The following PTK2 variants were observed in gnomAD, a reference collection of about 807,000 sequenced individuals.
The protein encoded by PTK2 is protein tyrosine kinase 2.
Under a neutral mutation model 150.1 loss-of-function variants are expected in PTK2, and 45 were observed. The observed-to-expected ratio is 0.30, with a 90% CI of 0.24 to 0.38. The LOEUF (loss-of-function observed/expected upper bound fraction) is 0.38. Among genes scored for constraint, PTK2 ranks in the 10% least tolerant of loss-of-function variants. The probability of loss-of-function intolerance (pLI) is 1.00; values close to 1 mark genes in which losing one functional copy is unlikely to be tolerated. For synonymous variants in PTK2, 432 were observed against 449.2 expected (o/e 0.96, Z 0.48); for missense variants, 919 against 1,307.3 (o/e 0.70, Z 4.58).
intron 27 of PTK2, chr8:140,675,770 A>C: frequency 2.9e-6 from 1 of 339,590 alleles, no homozygotes; most frequent in South Asian, 6.2e-5. Flanking sequence ...AACCCATTTA[A>C]AATGTTCTTA....
At chr8:140,795,828 C>T (rs1320973287) in intron 12 of PTK2, among the ~76,000 whole-genome samples, 2 of 152,222 alleles carry the variant, frequency 1.3e-5, no homozygotes, top group African/African-American at 4.8e-5. Flanking sequence ...TACTACTGCA[C>T]ATTGTATTCC....
At chr8:140,894,502 G>A (rs865999366) in intron 2 of PTK2, among the ~76,000 whole-genome samples, 5 of 152,116 alleles carry the variant, frequency 3.3e-5, no homozygotes, top group Non-Finnish European at 5.9e-5. Context: ...GACTAATAGA[G>A]TAAACTATGG....
chr8:140,711,216 C>T (rs373897522), intron 23 of PTK2, among the ~76,000 whole-genome samples: 10 of 152,222 alleles, frequency 6.6e-5, no homozygotes, highest in Non-Finnish European at 8.8e-5. Context: ...AAGCGATTCT[C>T]GTGCCTCAGC....
chr8:140,748,296 C>A (rs536440146), intron 17 of PTK2, among the ~76,000 whole-genome samples: 8 of 152,184 alleles, frequency 5.3e-5, no homozygotes, highest in African/African-American at 1.9e-4. Context: ...GAGTTTGAGA[C>A]CAGCCTGGCC....
intron 16 of PTK2, among the ~76,000 whole-genome samples, chr8:140,753,147 G>A (rs556083948): frequency 2.0e-5 from 3 of 152,254 alleles, no homozygotes; most frequent in East Asian, 1.9e-4. Flanking sequence ...GGAGTTCTGC[G>A]GGTGGCTACC....
chr8:140,902,440 T>C (rs1052386339), intron 2 of PTK2, among the ~76,000 whole-genome samples: 1 of 152,216 alleles, frequency 6.6e-6, no homozygotes, highest in Non-Finnish European at 1.5e-5. Flanking sequence ...CATGTGTCTT[T>C]ATAGAATGAT....
chr8:140,848,644 T>C (rs923831371), intron 5 of PTK2, among the ~76,000 whole-genome samples: 1 of 151,664 alleles, frequency 6.6e-6, no homozygotes, highest in African/African-American at 2.4e-5. Context: ...TCTAGAACTA[T>C]TCGTTTAACT....
rs71310807 is a variant in PTK2 at position 140,962,263 on chromosome 8, A to AGAAGGGAGGGAG, written c.-121-36526_-121-36515dup. On this transcript the variant is annotated intron_variant, in intron 1 of 31. Coordinates refer to ENST00000522684, the Ensembl canonical transcript of PTK2. ...AGGAAGAAAGGAAGGGAGGAAGGGA[A>AGAAGGGAGGGAG]GAAGGGAGGGAGGAAGGGAGGGAGG... 1.4e-3 allele frequency among the ~76,000 whole-genome samples: 175 copies of AGAAGGGAGGGAG among 127,558 alleles called. 2 individuals carry two copies. In the East Asian group the frequency reaches 0.02, roughly 15 times the overall value. 83.7% of individuals were successfully genotyped at this position (127,558 alleles called of 152,430 possible).
In PTK2 at chr8:140,668,396, G is replaced by C. The variant is rs757236528; in HGVS notation, c.2738C>G (p.Pro913Arg). The change falls in exon 30 of 32, where the codon CCT becomes CGT. Residue 913 changes from proline (P) to arginine (R), a missense_variant. Pro to Arg is a moderately radical substitution (Grantham distance 103, BLOSUM62 -2). Transcript: ENST00000522684. ...ATTCGACCGGTCCAGGTTGGCAGTA[G>C]GAGGGGGGCTGATTTCCTGGGGCTG... 8.1e-6 allele frequency: 13 copies of C among 1,612,946 alleles called. No individual in the cohort carries two copies. The South Asian group carries it at 1.4e-4, about 18-fold the overall frequency.
intron 31 of PTK2, among the ~76,000 whole-genome samples, chr8:140,660,273 T>TA (rs1281784870): frequency 6.6e-6 from 1 of 152,144 alleles, no homozygotes; most frequent in Non-Finnish European, 1.5e-5. Flanking sequence ...ACTTTCACAT[T>TA]AGAGTGGACA....
At chr8:140,667,897 T>C (rs1396710954) in intron 30 of PTK2, among the ~76,000 whole-genome samples, 1 of 152,212 alleles carries the variant, frequency 6.6e-6, no homozygotes, top group Non-Finnish European at 1.5e-5. Context: ...CACATCTCCC[T>C]AAGTCTTACA....
exon 32 of PTK2, chr8:140,659,405 C>G (rs1212913629): frequency 1.4e-6 from 2 of 1,461,068 alleles, no homozygotes; most frequent in Non-Finnish European, 1.9e-6. Flanking sequence ...TTCCTCGCTG[C>G]TGGTGGAAGG....
chr8:140,664,600 T>C (rs1041431805), intron 31 of PTK2, among the ~76,000 whole-genome samples: 1 of 152,230 alleles, frequency 6.6e-6, no homozygotes, highest in African/African-American at 2.4e-5. Flanking sequence ...GTTTCCCATG[T>C]GCCTTCCTCA....
chr8:140,708,180 C>A (rs1400405419), intron 23 of PTK2, among the ~76,000 whole-genome samples: 6 of 152,156 alleles, frequency 3.9e-5, no homozygotes, highest in African/African-American at 1.2e-4. Flanking sequence ...TAAGTTCCAA[C>A]AAGCTTAGGA....
chr8:140,931,057 C>G (rs1434291497), intron 1 of PTK2, among the ~76,000 whole-genome samples: 1 of 134,352 alleles, frequency 7.4e-6, no homozygotes, highest in African/African-American at 2.8e-5. Context: ...CGCGGCAGAG[C>G]GAGACTCTGT....
At chr8:140,872,929 GGACT>G (rs1198816551) in intron 4 of PTK2, among the ~76,000 whole-genome samples, 2 of 152,280 alleles carry the variant, frequency 1.3e-5, no homozygotes, top group East Asian at 3.9e-4. Context: ...AGTTGTGCTA[GGACT>G]TACTTTGTCA....
intron 10 of PTK2, among the ~76,000 whole-genome samples, chr8:140,810,488 G>A (rs2100100827): frequency 6.6e-6 from 1 of 152,190 alleles, no homozygotes; most frequent in Admixed American, 6.5e-5. Context: ...CATAGCCCCT[G>A]CAGTGGCTGA....
At chr8:140,948,637 G>A (rs1242799772) in intron 1 of PTK2, 1 of 152,102 alleles carries the variant, frequency 6.6e-6, no homozygotes, top group South Asian at 2.1e-4. Flanking sequence ...TTAAAACAGA[G>A]AAGTCACAAA....
At chr8:140,855,358 G>A (rs1242160442) in intron 5 of PTK2, among the ~76,000 whole-genome samples, 9 of 152,118 alleles carry the variant, frequency 5.9e-5, no homozygotes, top group Non-Finnish European at 1.0e-4. Flanking sequence ...CACTTTGGGA[G>A]GCCGAGGCGG....
Sources: gnomAD v4.1 joint callset for allele counts (sites outside exome capture counted in the v4.1 genomes callset) on GRCh38, gnomAD v4.1.1 for gene constraint, MANE v1.5 for transcripts, NCBI Gene and HGNC (gene_info 2026-07-23, HGNC 2026-07-21) for gene names.